Variants in PDE7B observed in about 807,000 individuals in gnomAD.
PDE7B encodes the protein phosphodiesterase 7B.
A neutral mutation model predicts 56.2 loss-of-function variants in PDE7B; 29 were observed. The ratio of observed to expected loss-of-function variants is 0.52; its 90% CI spans 0.38 to 0.70. The LOEUF (loss-of-function observed/expected upper bound fraction) is 0.70, where lower values mean the gene tolerates loss of function less well. PDE7B is among the 30% of genes least tolerant of loss of function. The pLI is 0.00. For synonymous variants in PDE7B, 197 were observed against 196.9 expected (o/e 1.00, Z 0.00); for missense variants, 490 against 565.0 (o/e 0.87, Z 1.35).
chr6:136,090,173 C>G (rs1290313302), intron 2 of PDE7B, among the ~76,000 whole-genome samples: 2 of 152,030 alleles, frequency 1.3e-5, no homozygotes, highest in East Asian at 3.9e-4. Flanking sequence ...TCATCTTCTT[C>G]CATTGGGTGG....
chr6:136,154,782 G>A lies in PDE7B; in HGVS notation c.579+607G>A, dbSNP rs534621987. On this transcript the variant is annotated intron_variant, in intron 7 of 12. Transcript: ENST00000308191. Reference sequence around the variant, plus strand: ...CAGGCAGTCCTTAGACTGAAAGTCTGTTGGTACAAGGTACAGGATGAGTTT... The same window carrying A: ...CAGGCAGTCCTTAGACTGAAAGTCTATTGGTACAAGGTACAGGATGAGTTT... Among the ~76,000 whole-genome samples the A allele has an allele frequency of 2.6e-5, 4 of 152,358 alleles. No homozygotes were observed. In the South Asian group the frequency reaches 6.2e-4, roughly 24 times the overall value.
chr6:136,026,995 T>C (rs1776164023), intron 2 of PDE7B, among the ~76,000 whole-genome samples: 2 of 152,318 alleles, frequency 1.3e-5, no homozygotes, highest in East Asian at 3.9e-4. Flanking sequence ...GCCTTCGTAA[T>C]TGGATTAGCA....
intron 2 of PDE7B, among the ~76,000 whole-genome samples, chr6:136,033,271 A>C (rs1032846922): frequency 1.1e-4 from 16 of 152,222 alleles, no homozygotes; most frequent in African/African-American, 3.6e-4. Context: ...ATTTTTTTGG[A>C]AAATTCACAG....
chr6:136,056,922 C>T (rs992812831), intron 2 of PDE7B, among the ~76,000 whole-genome samples: 1 of 152,136 alleles, frequency 6.6e-6, no homozygotes, highest in African/African-American at 2.4e-5. Context: ...CCCTAAGCCC[C>T]TCCCCTTTGG....
chr6:135,938,087 C>T (rs1279361237), intron 1 of PDE7B, among the ~76,000 whole-genome samples: 2 of 152,206 alleles, frequency 1.3e-5, no homozygotes, highest in Non-Finnish European at 2.9e-5. Flanking sequence ...TGACTAAGAT[C>T]ACACAGCTGT....
chr6:135,875,625 A>G (rs948947158), intron 1 of PDE7B, among the ~76,000 whole-genome samples: 2 of 152,182 alleles, frequency 1.3e-5, no homozygotes, highest in African/African-American at 2.4e-5. Context: ...GTGTTTCCCA[A>G]TATTGCTCAA....
At chr6:136,185,341 C>T (rs989405133) in intron 11 of PDE7B, among the ~76,000 whole-genome samples, 2 of 152,124 alleles carry the variant, frequency 1.3e-5, no homozygotes, top group African/African-American at 2.4e-5. Flanking sequence ...ATCCAGGCTC[C>T]CCACTTTACT....
chr6:136,024,202 T>C (rs1457424320), intron 2 of PDE7B, among the ~76,000 whole-genome samples: 1 of 152,238 alleles, frequency 6.6e-6, no homozygotes, highest in Non-Finnish European at 1.5e-5. Flanking sequence ...TGTTCATCCA[T>C]GTTTTATAGA....
chr6:135,968,415 T>C (rs745410589), intron 2 of PDE7B, among the ~76,000 whole-genome samples: 2 of 152,016 alleles, frequency 1.3e-5, no homozygotes, highest in Non-Finnish European at 2.9e-5. Context: ...CATCTGACAA[T>C]TCTAACATCT....
At chr6:136,110,488 C>T (rs984178375) in intron 3 of PDE7B, among the ~76,000 whole-genome samples, 2 of 152,086 alleles carry the variant, frequency 1.3e-5, no homozygotes, top group African/African-American at 4.8e-5. Flanking sequence ...AGAAAACAAC[C>T]GAAAGGCCTC....
At chr6:135,897,351 C>T (rs963635631) in intron 1 of PDE7B, among the ~76,000 whole-genome samples, 4 of 150,328 alleles carry the variant, frequency 2.7e-5, no homozygotes, top group African/African-American at 1.0e-4. Flanking sequence ...CTAACTTTCA[C>T]ATTTTTTTGA....
chr6:136,168,207 G>C (rs1255571068), intron 8 of PDE7B, among the ~76,000 whole-genome samples: 1 of 152,094 alleles, frequency 6.6e-6, no homozygotes, highest in Non-Finnish European at 1.5e-5. Flanking sequence ...TATTTATTTG[G>C]ACTATAAGAG....
At position 135,995,878 on chromosome 6, in the gene PDE7B, T is replaced by C. The variant is rs189922297; in HGVS notation, c.82+48354T>C. ...TTAACATAAACATAAAGAGGTTTTTTCTTTAAAAGCCTATTATAAGGAATT... is the reference window on the plus strand; with the variant it reads ...TTAACATAAACATAAAGAGGTTTTTCCTTTAAAAGCCTATTATAAGGAATT... On this transcript the variant is annotated intron_variant, in intron 2 of 12. Coordinates refer to ENST00000308191, the MANE Select transcript of PDE7B (RefSeq NM_018945.4). 3.0e-3 allele frequency among the ~76,000 whole-genome samples: 451 copies of C among 151,808 alleles called. 2 individuals are homozygous for C. Among genetic ancestry groups the C allele is most frequent in the African/African-American group, 0.01 (422 of 41,052 alleles).
intron 2 of PDE7B, among the ~76,000 whole-genome samples, chr6:135,962,316 T>C (rs1216613588): frequency 2.6e-5 from 4 of 152,180 alleles, no homozygotes. Context: ...AGCAGTGTTT[T>C]CAATTGGCCT....
chr6:136,163,945 C>T (rs1312228069), intron 8 of PDE7B, among the ~76,000 whole-genome samples: 1 of 152,218 alleles, frequency 6.6e-6, no homozygotes, highest in Non-Finnish European at 1.5e-5. Flanking sequence ...AAGTTCCAAA[C>T]TTTCCCACAT....
intron 6 of PDE7B, among the ~76,000 whole-genome samples, chr6:136,153,416 A>C (rs1778554296): frequency 6.6e-6 from 1 of 152,176 alleles, no homozygotes; most frequent in South Asian, 2.1e-4. Context: ...GTCTTCCATA[A>C]AAAGCAAACC....
chr6:136,169,288 GC>G (rs1255663732), intron 8 of PDE7B, among the ~76,000 whole-genome samples: 1 of 151,946 alleles, frequency 6.6e-6, no homozygotes, highest in Non-Finnish European at 1.5e-5. Flanking sequence ...CGCGGTTCTG[GC>G]CAAAACATGC....
At position 135,935,144 on chromosome 6, in the gene PDE7B, TATAA is replaced by T. The variant is rs1378083826; in HGVS notation, c.22-12312_22-12309del. Among the ~76,000 whole-genome samples the T allele has an allele frequency of 2.4e-4, 22 of 91,894 alleles. 1 individual carries two copies. The East Asian group carries it at 5.7e-3, about 24-fold the overall frequency. The allele number at this position is 91,894 out of a possible 152,430, so 60.3% of individuals were successfully genotyped here. A position where few individuals can be genotyped will look rare whatever the true frequency, so the allele number is the denominator to read the frequency against. ...GAGAGAGATGAAGTATATATTTATA[TATAA>T]ATAAATATATGAGACAGAGAATTTT... On this transcript the variant is annotated intron_variant, in intron 1 of 12. Transcript: ENST00000308191.
At chr6:136,065,769 T>G (rs1389269935) in intron 2 of PDE7B, among the ~76,000 whole-genome samples, 1 of 152,244 alleles carries the variant, frequency 6.6e-6, no homozygotes, top group Admixed American at 6.5e-5. Context: ...TAGTTTATTC[T>G]GGATTTTTCA....
Sources: allele counts gnomAD v4.1 joint callset (sites outside exome capture counted in the v4.1 genomes callset), GRCh38; gene constraint gnomAD v4.1.1; transcripts MANE v1.5; gene names NCBI Gene and HGNC (gene_info 2026-07-23, HGNC 2026-07-21).